FMN1: variants seen among roughly 807,000 people sequenced by gnomAD.
FMN1 encodes formin-1.
Under a neutral mutation model 132.4 loss-of-function variants are expected in FMN1, and 110 were observed. That is an observed-to-expected ratio of 0.83 (90% CI 0.71 to 0.97). FMN1 has a LOEUF of 0.97. FMN1 is among the 50% of genes least tolerant of loss of function. The pLI is 0.00. For missense variants in FMN1, 1,792 were observed against 1,705.3 expected (o/e 1.05, Z -0.90); for synonymous variants, 722 against 651.7 (o/e 1.11, Z -1.64).
chr15:32,873,026 C>T (rs951076543), intron 16 of FMN1, among the ~76,000 whole-genome samples: 1 of 152,196 alleles, frequency 6.6e-6, no homozygotes, highest in Non-Finnish European at 1.5e-5. Context: ...TCCAGAATCA[C>T]TGGCAAAGCA....
At chr15:32,941,991 C>T (rs1474685171) in intron 9 of FMN1, among the ~76,000 whole-genome samples, 1 of 152,198 alleles carries the variant, frequency 6.6e-6, no homozygotes, top group African/African-American at 2.4e-5. Flanking sequence ...ATTTGTGCAG[C>T]ATTCCACTGA....
intron 19 of FMN1, among the ~76,000 whole-genome samples, chr15:32,785,218 A>ATATTTT (rs1444523400): frequency 1.8e-4 from 7 of 39,208 alleles, no homozygotes; most frequent in East Asian, 5.2e-4. Flanking sequence ...ATATATATAT[A>ATATTTT]TTTTTTTTTT....
intron 4 of FMN1, among the ~76,000 whole-genome samples, chr15:33,131,447 A>G (rs1963543178): frequency 6.6e-6 from 1 of 152,154 alleles, no homozygotes; most frequent in Non-Finnish European, 1.5e-5. Flanking sequence ...CTGAAGATGG[A>G]AACAAGTGTT....
At position 32,771,206 on chromosome 15, in the gene FMN1, G is replaced by A. The variant is rs1195916142; in HGVS notation, c.*3104C>T. 1 of 151,574 alleles carries A rather than the reference G, an allele frequency of 6.6e-6. No individual in the cohort carries two copies. The highest frequency in any genetic ancestry group is 1.5e-5 in the Non-Finnish European group (1 of 67,976). 9.4% of individuals were successfully genotyped at this position (151,574 alleles called of 1,614,324 possible). A position where few individuals can be genotyped will look rare whatever the true frequency, so the allele number is the denominator to read the frequency against. On this transcript the variant is annotated 3_prime_UTR_variant, in exon 21 of 21. Coordinates refer to ENST00000616417, the MANE Select transcript of FMN1 (RefSeq NM_001277313.2). ...CCATTCTCCTGCCTCAGCCTCCCGAGTAGCTGGGACTACAGGCGCCCACCA... is the reference window on the plus strand; with the variant it reads ...CCATTCTCCTGCCTCAGCCTCCCGAATAGCTGGGACTACAGGCGCCCACCA...
intron 6 of FMN1, among the ~76,000 whole-genome samples, chr15:33,034,105 T>C (rs560483963): frequency 1.3e-5 from 2 of 152,162 alleles, no homozygotes; most frequent in Admixed American, 6.5e-5. Flanking sequence ...CTCCCCAATA[T>C]ACATCTAGAG....
intron 10 of FMN1, among the ~76,000 whole-genome samples, chr15:32,922,154 G>A (rs1446635175): frequency 2.0e-5 from 3 of 152,134 alleles, no homozygotes; most frequent in African/African-American, 7.2e-5. Flanking sequence ...GCCTGAGGAT[G>A]TTAGAGCCTG....
chr15:33,093,251 GTAGTGCCC>G (rs2038964353), intron 4 of FMN1, among the ~76,000 whole-genome samples: 1 of 152,232 alleles, frequency 6.6e-6, no homozygotes, highest in South Asian at 2.1e-4. Flanking sequence ...CTCCTGTGTT[GTAGTGCCC>G]AAGGCACTAC....
At chr15:32,936,976 C>A (rs1231705366) in intron 9 of FMN1, among the ~76,000 whole-genome samples, 1 of 152,160 alleles carries the variant, frequency 6.6e-6, no homozygotes, top group Middle Eastern at 3.2e-3. Flanking sequence ...TGTGTCCCAT[C>A]AGCACTCCAA....
intron 11 of FMN1, among the ~76,000 whole-genome samples, chr15:32,909,871 C>T (rs979539689): frequency 8.9e-5 from 13 of 145,516 alleles, no homozygotes; most frequent in African/African-American, 3.4e-4. Flanking sequence ...ATATTAAATC[C>T]TCATTTGACT....
intron 3 of FMN1, among the ~76,000 whole-genome samples, chr15:33,177,293 C>A (rs897390657): frequency 6.6e-6 from 1 of 152,108 alleles, no homozygotes; most frequent in Non-Finnish European, 1.5e-5. Flanking sequence ...TTTACTAATT[C>A]CTCTTCTTTA....
intron 3 of FMN1, among the ~76,000 whole-genome samples, chr15:33,173,375 A>G (rs1965398901): frequency 6.6e-6 from 1 of 152,210 alleles, no homozygotes; most frequent in South Asian, 2.1e-4. Context: ...AGTGTTTGTA[A>G]AAAACTTTAT....
chr15:32,966,705 AATTCAC>A (rs1041181516), intron 8 of FMN1, among the ~76,000 whole-genome samples: 1 of 152,214 alleles, frequency 6.6e-6, no homozygotes, highest in African/African-American at 2.4e-5. Flanking sequence ...TAATGCTGAA[AATTCAC>A]ATTTTGTTTC....
chr15:32,873,814 T>C (rs2059573700), intron 16 of FMN1, among the ~76,000 whole-genome samples: 1 of 152,108 alleles, frequency 6.6e-6, no homozygotes, highest in Non-Finnish European at 1.5e-5. Context: ...CTTAAAGTCA[T>C]GGAGGCCCCT....
At chr15:32,949,972 TATATATACACACACATATATATACAC>T in intron 9 of FMN1, among the ~76,000 whole-genome samples, 4 of 43,286 alleles carry the variant, frequency 9.2e-5, no homozygotes, top group African/African-American at 6.4e-4. Flanking sequence ...TATACACACA[TATATATACACACACATATATATACAC>T]ATACACATAT....
chr15:33,104,768 T>C (rs926059109), intron 4 of FMN1, among the ~76,000 whole-genome samples: 18 of 152,158 alleles, frequency 1.2e-4, no homozygotes, highest in Admixed American at 7.9e-4. Context: ...AAAAATGAGA[T>C]AATTTGATAT....
At chr15:32,828,344 G>C (rs1336920333) in intron 17 of FMN1, among the ~76,000 whole-genome samples, 2 of 152,282 alleles carry the variant, frequency 1.3e-5, no homozygotes, top group Admixed American at 1.3e-4. Context: ...ATGCAGAATG[G>C]TAAGCCCAAT....
chr15:32,951,512 A>G (rs979977069), intron 9 of FMN1, among the ~76,000 whole-genome samples: 3 of 152,098 alleles, frequency 2.0e-5, no homozygotes, highest in African/African-American at 7.2e-5. Context: ...CCTGGGGTCC[A>G]GGAACCATAA....
intron 4 of FMN1, among the ~76,000 whole-genome samples, chr15:33,141,351 T>C (rs999831507): frequency 2.0e-5 from 3 of 152,202 alleles, no homozygotes; most frequent in Admixed American, 1.3e-4. Context: ...ACTGTTTTTT[T>C]TCCCCATAGG....
rs2030961443 is a variant in FMN1, at chr15:32,964,252, T to C, written c.2993A>G (p.Asn998Ser). The C allele has an allele frequency of 1.3e-6, 2 of 1,576,698 alleles. No individual in the cohort carries two copies. Among genetic ancestry groups the C allele is most frequent in the Non-Finnish European group, 1.7e-6 (2 of 1,160,674 alleles). ...TRIQISDRSQNATPTLWDSLE... is the reference protein window; with the variant it reads ...TRIQISDRSQSATPTLWDSLE... The stretch of plus-strand genomic sequence containing the variant: ...GGAGTCCCATAAGGTTGGTGTAGCA[T>C]TTTGGCTTAAAAGAGAAAATGACAA... The change falls in exon 9 of 21, where the codon AAT becomes AGT. Residue 998 changes from asparagine to serine, a missense_variant. This residue lies in a region of FMN1 where 1,150 missense variants were observed against 1,043.1 expected (regional missense o/e 1.10). Coordinates refer to ENST00000616417, the MANE Select transcript of FMN1 (RefSeq NM_001277313.2).
Sources: gnomAD v4.1 joint callset for allele counts (sites outside exome capture counted in the v4.1 genomes callset) on GRCh38, gnomAD v4.1.1 for gene constraint, gnomAD v4.1.1 regional missense constraint, MANE v1.5 for transcripts, NCBI Gene and HGNC (gene_info 2026-07-23, HGNC 2026-07-21) for gene names.